Variants in RAPGEF2 observed in about 807,000 individuals in gnomAD.
RAPGEF2 encodes the protein PDZ domain containing guanine nucleotide exchange factor (GEF) 1.
A neutral mutation model predicts 186.7 loss-of-function variants in RAPGEF2; 54 were observed. The ratio of observed to expected loss-of-function variants is 0.29; its 90% CI spans 0.23 to 0.36. RAPGEF2 has a LOEUF of 0.36. RAPGEF2 is among the 10% of genes least tolerant of loss of function. RAPGEF2 has a pLI of 1.00. For synonymous variants in RAPGEF2, 712 were observed against 705.9 expected (o/e 1.01, Z -0.14); for missense variants, 1,532 against 2,045.0 (o/e 0.75, Z 4.84).
At chr4:159,223,517 ATTG>A (rs1385294495) in intron 4 of RAPGEF2, among the ~76,000 whole-genome samples, 1 of 152,186 alleles carries the variant, frequency 6.6e-6, no homozygotes, top group African/African-American at 2.4e-5. Context: ...TGTCAAACAC[ATTG>A]TTGTGTTTTA....
Position 159,304,034 on chromosome 4 carries a change from C to T in RAPGEF2, c.544-308C>T, listed in dbSNP as rs150482722. Among the ~76,000 whole-genome samples the T allele has an allele frequency of 4.8e-3, 726 of 152,238 alleles. 4 individuals are homozygous for T. Among genetic ancestry groups the T allele is most frequent in the African/African-American group, 0.016 (677 of 41,550 alleles). On this transcript the variant is annotated intron_variant, in intron 7 of 29. Coordinates refer to ENST00000691494, the MANE Select transcript of RAPGEF2 (RefSeq NM_001394067.2). ...AAATAGTACTGTAGCCTAATTTGCT[C>T]ATTGACGTGTGATTGGAAAATTTTA... is the stretch of plus-strand genomic sequence containing the variant.
chr4:159,170,521 T>G (rs1745802183), intron 1 of RAPGEF2, among the ~76,000 whole-genome samples: 2 of 152,176 alleles, frequency 1.3e-5, no homozygotes. Context: ...AATCTAGAGA[T>G]AATATATGGA....
intron 7 of RAPGEF2, among the ~76,000 whole-genome samples, chr4:159,244,497 C>T (rs908094111): frequency 1.3e-5 from 2 of 151,892 alleles, no homozygotes; most frequent in Non-Finnish European, 2.9e-5. Context: ...GTACTAAAAT[C>T]TATGATTTTC....
rs115759402 is a variant in RAPGEF2, at chr4:159,165,978, A to G, written c.70-20664A>G. On this transcript the variant is annotated intron_variant, in intron 1 of 29. Transcript: ENST00000691494. ...TAAAAAGTCATTGAACAATGAAATA[A>G]GAAATTAGGAAGTAGGACTAGTCAA... Among the ~76,000 whole-genome samples, 682 of 152,302 alleles carry G rather than the reference A, an allele frequency of 4.5e-3. 4 individuals are homozygous for G. Among genetic ancestry groups the G allele is most frequent in the Non-Finnish European group, 7.7e-3 (522 of 68,016 alleles).
intron 1 of RAPGEF2, among the ~76,000 whole-genome samples, chr4:159,138,164 G>A (rs1245364778): frequency 6.6e-6 from 1 of 152,124 alleles, no homozygotes; most frequent in Admixed American, 6.5e-5. Flanking sequence ...TTTTACATTG[G>A]TACCAGTTTT....
At chr4:159,333,290 T>G (rs1184657449) in intron 17 of RAPGEF2, among the ~76,000 whole-genome samples, 5 of 152,168 alleles carry the variant, frequency 3.3e-5, no homozygotes, top group Admixed American at 3.3e-4. Flanking sequence ...AGGTTTGGAC[T>G]TTTTAAAAGC....
intron 1 of RAPGEF2, among the ~76,000 whole-genome samples, chr4:159,166,038 G>A (rs1200633999): frequency 1.3e-5 from 2 of 152,146 alleles, no homozygotes; most frequent in African/African-American, 2.4e-5. Context: ...TAAGGAAAAG[G>A]GGCCGGGAGC....
intron 1 of RAPGEF2, among the ~76,000 whole-genome samples, chr4:159,163,755 A>T (rs887822048): frequency 6.6e-6 from 1 of 152,158 alleles, no homozygotes; most frequent in African/African-American, 2.4e-5. Flanking sequence ...TGTGCTAGAG[A>T]CTGTATAGTT....
At chr4:159,111,754 A>G (rs1390417828) in intron 1 of RAPGEF2, among the ~76,000 whole-genome samples, 1 of 152,220 alleles carries the variant, frequency 6.6e-6, no homozygotes, top group African/African-American at 2.4e-5. Flanking sequence ...CTTCAGTGGA[A>G]TCATTATCTT....
rs149093422 is a variant in RAPGEF2 at position 159,139,307 on chromosome 4, C to T, written c.69+35076C>T. ...AAGGGTGAAAGAAACTTGGTATGCA[C>T]GAGTCAAATGACAGACTCCATTAAG... On this transcript the variant is annotated intron_variant, in intron 1 of 29. Coordinates refer to ENST00000691494, the MANE Select transcript of RAPGEF2 (RefSeq NM_001394067.2). Among the ~76,000 whole-genome samples the T allele has an allele frequency of 6.2e-3, 937 of 152,230 alleles. 8 individuals are homozygous for T. The highest frequency in any genetic ancestry group is 0.012 in the East Asian group (60 of 5,182).
chr4:159,302,804 A>G (rs934988790), intron 7 of RAPGEF2, among the ~76,000 whole-genome samples: 7 of 150,542 alleles, frequency 4.6e-5, no homozygotes, highest in East Asian at 1.9e-4. Flanking sequence ...TTTTTTTATT[A>G]TTATACTGTA....
At chr4:159,221,386 A>G (rs1222331260) in intron 4 of RAPGEF2, among the ~76,000 whole-genome samples, 1 of 152,232 alleles carries the variant, frequency 6.6e-6, no homozygotes, top group Non-Finnish European at 1.5e-5. Flanking sequence ...GAGGAAAGGC[A>G]ATAGAGCAAA....
intron 1 of RAPGEF2, among the ~76,000 whole-genome samples, chr4:159,159,665 A>G (rs1278975097): frequency 6.6e-6 from 1 of 152,198 alleles, no homozygotes; most frequent in Non-Finnish European, 1.5e-5. Flanking sequence ...ATTCATACAC[A>G]TATTACAGCA....
At chr4:159,139,655 C>T (rs576143513) in intron 1 of RAPGEF2, among the ~76,000 whole-genome samples, 3 of 151,458 alleles carry the variant, frequency 2.0e-5, no homozygotes, top group South Asian at 2.1e-4. Flanking sequence ...ATAATTATTA[C>T]GGGGATATTA....
chr4:159,235,176 G>A (rs190042268), intron 4 of RAPGEF2, among the ~76,000 whole-genome samples: 1 of 152,100 alleles, frequency 6.6e-6, no homozygotes, highest in Admixed American at 6.5e-5. Flanking sequence ...CTCTTCCAGG[G>A]TAATACCCTT....
At chr4:159,174,227 T>C (rs556674732) in intron 1 of RAPGEF2, among the ~76,000 whole-genome samples, 2 of 152,346 alleles carry the variant, frequency 1.3e-5, no homozygotes, top group South Asian at 2.1e-4. Flanking sequence ...GTATGCATTT[T>C]AGGTTGCTAA....
intron 8 of RAPGEF2, among the ~76,000 whole-genome samples, chr4:159,309,073 G>T (rs969841608): frequency 2.0e-5 from 3 of 152,144 alleles, no homozygotes; most frequent in Admixed American, 6.6e-5. Flanking sequence ...CTTCACCCAG[G>T]ACTGAAGTTT....
chr4:159,354,688 ATGAGCTTC>A, intron 28 of RAPGEF2, among the ~76,000 whole-genome samples: 1 of 152,230 alleles, frequency 6.6e-6, no homozygotes, highest in Admixed American at 6.5e-5. Flanking sequence ...CATCTGTAAA[ATGAGCTTC>A]ATAATTTCTA....
intron 19 of RAPGEF2, among the ~76,000 whole-genome samples, chr4:159,339,749 C>G (rs564682005): frequency 6.6e-6 from 1 of 152,324 alleles, no homozygotes; most frequent in East Asian, 1.9e-4. Flanking sequence ...AACACATTTT[C>G]TAATCATATT....
Sources: allele counts gnomAD v4.1 joint callset (sites outside exome capture counted in the v4.1 genomes callset), GRCh38; gene constraint gnomAD v4.1.1; transcripts MANE v1.5; gene names NCBI Gene and HGNC (gene_info 2026-07-23, HGNC 2026-07-21).